CYB5R2: variants seen among roughly 807,000 people sequenced by gnomAD.
CYB5R2 encodes the protein cytochrome b5 reductase 2, also known as NADH-cytochrome b5 reductase 2.
Under a neutral mutation model 29.8 loss-of-function variants are expected in CYB5R2, and 35 were observed. The observed-to-expected ratio is 1.17, with a 90% CI of 0.90 to 1.56. CYB5R2 has a LOEUF of 1.56. Among genes scored for constraint, CYB5R2 ranks in the 40% most tolerant of loss-of-function variants. The pLI is 0.00. For synonymous variants in CYB5R2, 169 were observed against 130.6 expected, an observed-to-expected ratio of 1.29 and a Z score of -2.01; for missense variants, 419 against 346.7, an observed-to-expected ratio of 1.21 and a Z score of -1.66.
intron 7 of CYB5R2, chr11:7,666,888 C>A (rs760975346): frequency 1.9e-5 from 4 of 207,556 alleles, no homozygotes; most frequent in Non-Finnish European, 3.9e-5. Flanking sequence ...CTACACTGAG[C>A]TCTAGCACAG....
At chr11:7,671,726 A>G (rs759718953) in intron 3 of CYB5R2, 1 of 152,302 alleles carries the variant, frequency 6.6e-6, no homozygotes, top group Non-Finnish European at 1.5e-5. Context: ...GCAGGCAAGC[A>G]GCACTAGCAG....
intron 5 of CYB5R2, chr11:7,668,902 A>G (rs2136120539): frequency 1.7e-6 from 1 of 586,422 alleles, no homozygotes; most frequent in East Asian, 3.1e-5. Flanking sequence ...ACCAAGGAGC[A>G]TGGACTCCCT....
chr11:7,669,017 A>G lies in CYB5R2; in HGVS notation c.388+188T>C, dbSNP rs192817196. 9.3e-4 allele frequency: 704 copies of G among 758,362 alleles called. 14 individuals are homozygous for G. The highest frequency in any genetic ancestry group is 6.4e-3 in the South Asian group (441 of 68,694). The allele number at this position is 758,362 out of a possible 1,614,324, so 47.0% of individuals were successfully genotyped here. A position where few individuals can be genotyped will look rare whatever the true frequency, so the allele number is the denominator to read the frequency against. ...CACCAAGTCATTCCCCTACCTTACAAAAGCTGACAACCTCATGAAGTGGGT... is the reference window on the plus strand; with the variant it reads ...CACCAAGTCATTCCCCTACCTTACAGAAGCTGACAACCTCATGAAGTGGGT... On this transcript the variant is annotated intron_variant, in intron 5 of 8. Coordinates refer to ENST00000299498, the MANE Select transcript of CYB5R2 (RefSeq NM_016229.5).
At chr11:7,666,015 G>A in intron 8 of CYB5R2, 2 of 1,079,470 alleles carry the variant, frequency 1.9e-6, no homozygotes, top group Middle Eastern at 2.1e-4. Context: ...AGTGGTTGCT[G>A]GGATGCTGTC....
chr11:7,669,818 G>T, intron 3 of CYB5R2, 87 bp from the exon 4 acceptor site: 2 of 945,730 alleles, frequency 2.1e-6, no homozygotes, highest in Non-Finnish European at 3.4e-6. Flanking sequence ...AGTGAAGGGA[G>T]CAAATACTGG....
chr11:7,665,713 C>T lies in CYB5R2; in HGVS notation c.659-167G>A. On this transcript the variant is annotated intron_variant, in intron 8 of 8. Coordinates refer to ENST00000299498, the MANE Select transcript of CYB5R2 (RefSeq NM_016229.5). ...TGCAAAAAGCCTCAGAACTAGTAAACAGCCCTCTGCAGCAATCACCCCAGG... is the reference window on the plus strand; with the variant it reads ...TGCAAAAAGCCTCAGAACTAGTAAATAGCCCTCTGCAGCAATCACCCCAGG... The T allele has an allele frequency of 5.3e-6, 6 of 1,141,700 alleles. No individual in the cohort carries two copies. The South Asian group carries it at 9.2e-5, about 18-fold the overall frequency. 70.7% of individuals were successfully genotyped at this position (1,141,700 alleles called of 1,614,324 possible).
At chr11:7,673,262 G>T in intron 1 of CYB5R2, 157 bp downstream of exon 1, 1 of 620,298 alleles carries the variant, frequency 1.6e-6, no homozygotes, top group Non-Finnish European at 2.2e-6. Context: ...CCGGAATGAG[G>T]GGCCCAGTCC....
At position 7,665,318 on chromosome 11, in the gene CYB5R2, A is replaced by G. The variant is rs1449856868; in HGVS notation, c.*56T>C. On this transcript the variant is annotated 3_prime_UTR_variant, in exon 9 of 9. Transcript: ENST00000299498. ...TCCCAGTTTACCGTGGTGAAATTGA[A>G]CTTACTCTGAAACAGATGAAAAGGG... is the stretch of plus-strand genomic sequence containing the variant. 11 of 1,383,142 alleles carry G rather than the reference A, an allele frequency of 8.0e-6. No individual in the cohort carries two copies. The highest frequency in any genetic ancestry group is 1.1e-5 in the Non-Finnish European group (11 of 1,033,134). The allele number at this position is 1,383,142 out of a possible 1,614,324, so 85.7% of individuals were successfully genotyped here.
rs1448750574 is a variant in CYB5R2, at chr11:7,669,836, A to G, written c.152-105T>C. The G allele has an allele frequency of 4.9e-6, 4 of 811,452 alleles. No homozygotes were observed. In the African/African-American group the frequency reaches 5.1e-5, roughly 10 times the overall value. The allele number at this position is 811,452 out of a possible 1,614,324, so 50.3% of individuals were successfully genotyped here. ...GAAGGGAGCAAATACTGGGGGCACA[A>G]TGTTAAGAGGGGTGGGAAGAAGAGA... is the stretch of plus-strand genomic sequence containing the variant. On this transcript the variant is annotated intron_variant, in intron 3 of 8. Coordinates refer to ENST00000299498, the MANE Select transcript of CYB5R2 (RefSeq NM_016229.5).
chr11:7,665,380 G>C lies in CYB5R2; in HGVS notation c.825C>G (p.Thr275=). ...KLGYTQDMIF[T]Y ...TGCTGAGCACGTGGAGGTGTTAGTA[G>C]GTGAAAATCATGTCCTGGGTATAAC... The change falls in exon 9 of 9, where the codon ACC becomes ACG. Residue 275 remains threonine, a synonymous_variant. Transcript: ENST00000299498. 1 of 1,562,338 alleles carries C rather than the reference G, an allele frequency of 6.4e-7. No homozygotes were observed. The highest frequency in any genetic ancestry group is 8.6e-7 in the Non-Finnish European group (1 of 1,156,372).
chr11:7,674,081 G>T, upstream of CYB5R2: 1 of 1,193,026 alleles, frequency 8.4e-7, no homozygotes, highest in Non-Finnish European at 1.1e-6. Context: ...TGCACACGCA[G>T]AGCTGCCACA....
At chr11:7,666,027 G>A (rs1590860215) in intron 8 of CYB5R2, 2 of 947,010 alleles carry the variant, frequency 2.1e-6, no homozygotes, top group African/African-American at 1.6e-5. Context: ...GATGCTGTCT[G>A]GGCTGCAGCA....
chr11:7,673,432 C>A lies in CYB5R2; in HGVS notation c.-80G>T. ...ATCTGTCCCTACCCTACAAGGCCGC[C>A]CTGCTCCTCTCCCAACTCAAGCCCG... On this transcript the variant is annotated 5_prime_UTR_variant, in exon 1 of 9. Coordinates refer to ENST00000299498, the MANE Select transcript of CYB5R2 (RefSeq NM_016229.5). 1.0e-6 allele frequency: 1 copy of A among 988,112 alleles called. No homozygotes were observed. Among genetic ancestry groups the A allele is most frequent in the Non-Finnish European group, 1.2e-6 (1 of 831,564 alleles). The allele number at this position is 988,112 out of a possible 1,614,324, so 61.2% of individuals were successfully genotyped here. A position where few individuals can be genotyped will look rare whatever the true frequency, so the allele number is the denominator to read the frequency against.
At position 7,672,246 on chromosome 11, in the gene CYB5R2, C is replaced by T. The variant is rs549719494; in HGVS notation, c.151+205G>A. 46 of 565,028 alleles carry T rather than the reference C, an allele frequency of 8.1e-5. No homozygotes were observed. In the Middle Eastern group the frequency reaches 1.4e-3, roughly 17 times the overall value. The allele number at this position is 565,028 out of a possible 1,614,324, so 35.0% of individuals were successfully genotyped here. On this transcript the variant is annotated intron_variant, in intron 3 of 8. Transcript: ENST00000299498. ...TCAATGCTCACTGAGGTACCACTCT[C>T]GTGTCAGCCCAATTGGAATAATGAA...
At chr11:7,673,676 TTTC>T (rs1166464726), upstream of CYB5R2, 6 of 985,376 alleles carry the variant, frequency 6.1e-6, no homozygotes, top group South Asian at 1.9e-4. Context: ...GACGGAGATA[TTTC>T]TTCAATACTC....
rs1855860050 is a variant in CYB5R2 at position 7,673,080 on chromosome 11, A to AG, written c.-66-190dup. On this transcript the variant is annotated intron_variant, in intron 1 of 8. Transcript: ENST00000299498. The stretch of plus-strand genomic sequence containing the variant: ...GCCTGTCGTGGACCAGAGGGTAGGG[A>AG]GGGGTCAGCTGCAGGTCACACAGGA... The AG allele has an allele frequency of 5.5e-6, 3 of 545,728 alleles. No homozygotes were observed. In the East Asian group the frequency reaches 1.1e-4, roughly 21 times the overall value. 33.8% of individuals were successfully genotyped at this position (545,728 alleles called of 1,614,324 possible). A position where few individuals can be genotyped will look rare whatever the true frequency, so the allele number is the denominator to read the frequency against.
At chr11:7,670,295 G>C (rs763327281) in intron 3 of CYB5R2, 2 of 153,888 alleles carry the variant, frequency 1.3e-5, no homozygotes, top group African/African-American at 4.9e-5. Context: ...CGAGGCTGCA[G>C]TGAGCTGAGA....
chr11:7,669,221 C>T lies in CYB5R2; in HGVS notation c.372G>A (p.Leu124=), dbSNP rs748545774. The change falls in exon 5 of 9, where the codon TTG becomes TTA. Residue 124 remains leucine, a synonymous_variant. Transcript: ENST00000299498. ...TIFFRGPRGR[L]FYHGPGNLGI... is the part of the protein sequence containing the mutation. ...CTCCAGTACCTGGCCCATGGTAAAA[C>T]AAGCGTCCCCTTGGCCCTCGAAAAA... is the stretch of plus-strand genomic sequence containing the variant. 5 of 1,614,142 alleles carry T rather than the reference C, an allele frequency of 3.1e-6. No homozygotes were observed. Among genetic ancestry groups the T allele is most frequent in the South Asian group, 2.2e-5 (2 of 91,088 alleles).
intron 3 of CYB5R2, chr11:7,670,960 A>AG (rs1213330015): frequency 6.6e-6 from 1 of 152,394 alleles, no homozygotes; most frequent in Non-Finnish European, 1.5e-5. Flanking sequence ...GATGGAACAG[A>AG]GAGATGGATA....
Sources: allele counts gnomAD v4.1 joint callset, GRCh38; gene constraint gnomAD v4.1.1; transcripts MANE v1.5; gene names NCBI Gene and HGNC (gene_info 2026-07-23, HGNC 2026-07-21).